Variants in THSD7B observed in about 807,000 individuals in gnomAD.
The protein encoded by THSD7B is thrombospondin type 1 domain containing 7B, also known as thrombospondin type-1 domain-containing protein 7B.
THSD7B carries 138 observed loss-of-function variants against 213.6 expected under a neutral mutation model. That is an observed-to-expected ratio of 0.65 (90% CI 0.56 to 0.74). The LOEUF (loss-of-function observed/expected upper bound fraction) is 0.74. Among genes scored for constraint, THSD7B ranks in the 30% least tolerant of loss-of-function variants. The pLI is 0.00. For synonymous variants in THSD7B, 742 were observed against 687.0 expected, an observed-to-expected ratio of 1.08 and a Z score of -1.25; for missense variants, 1,931 against 1,991.5, an observed-to-expected ratio of 0.97 and a Z score of 0.58.
At chr2:137,099,366 G>A (rs1322127986) in intron 4 of THSD7B, among the ~76,000 whole-genome samples, 1 of 152,094 alleles carries the variant, frequency 6.6e-6, no homozygotes, top group Non-Finnish European at 1.5e-5. Context: ...AACACTGCAG[G>A]ATAAGGCAGT....
intron 7 of THSD7B, among the ~76,000 whole-genome samples, chr2:137,226,184 T>G (rs1378144695): frequency 1.3e-5 from 2 of 151,790 alleles, no homozygotes. Flanking sequence ...GATAACTGTT[T>G]CATTGTTTTC....
In THSD7B at chr2:137,389,606, G is replaced by A. The variant is rs79868387; in HGVS notation, c.2501-16007G>A. Among the ~76,000 whole-genome samples, 618 of 150,386 alleles carry A rather than the reference G, an allele frequency of 4.1e-3. 7 individuals carry two copies. The highest frequency in any genetic ancestry group is 0.027 in the Admixed American group (402 of 15,080). On this transcript the variant is annotated intron_variant, in intron 12 of 27. Coordinates refer to ENST00000409968, the MANE Select transcript of THSD7B (RefSeq NM_001316349.2). The stretch of plus-strand genomic sequence containing the variant: ...CCATTTGTTTATTTTCATTTTTCTT[G>A]TTCATGTTTTTGAGGTCTTACCTAT...
At chr2:136,993,311 T>C (rs1685822309) in intron 2 of THSD7B, among the ~76,000 whole-genome samples, 1 of 152,198 alleles carries the variant, frequency 6.6e-6, no homozygotes, top group South Asian at 2.1e-4. Flanking sequence ...GTGTGCTCCT[T>C]TCCTCCTGGA....
chr2:137,347,771 C>T (rs1175297125), intron 12 of THSD7B, among the ~76,000 whole-genome samples: 1 of 151,130 alleles, frequency 6.6e-6, no homozygotes, highest in Non-Finnish European at 1.5e-5. Context: ...AACTTCTATG[C>T]TTAGGATATA....
intron 15 of THSD7B, among the ~76,000 whole-genome samples, chr2:137,542,586 T>C (rs1680629445): frequency 1.3e-5 from 2 of 151,674 alleles, no homozygotes; most frequent in Admixed American, 6.6e-5. Flanking sequence ...AATAACACAA[T>C]ATACATTCTT....
rs777541558 is a variant in THSD7B at position 137,170,884 on chromosome 2, G to C, written c.1669G>C (p.Gly557Arg). The C allele has an allele frequency of 6.2e-7, 1 of 1,613,478 alleles. No homozygotes were observed. Among genetic ancestry groups the C allele is most frequent in the East Asian group, 2.2e-5 (1 of 44,794 alleles). The stretch of plus-strand genomic sequence containing the variant: ...AGAAGGGATCTGTTTCCCTGATCAT[G>C]GAAAATGTGGCCTGGGACATCGTAT... The part of the protein sequence containing the change: ...ASEGICFPDH[G>R]KCGLGHRILK... Residue 557 changes from glycine to arginine, a missense_variant, in exon 7 of 28, where the codon GGA becomes CGA. Transcript: ENST00000409968.
intron 15 of THSD7B, among the ~76,000 whole-genome samples, chr2:137,501,453 T>C (rs1038294917): frequency 3.9e-5 from 6 of 152,100 alleles, no homozygotes; most frequent in Admixed American, 3.9e-4. Flanking sequence ...TTGGTAAAGG[T>C]ATTTTATTAA....
chr2:136,948,183 A>T (rs1573727767), intron 2 of THSD7B, among the ~76,000 whole-genome samples: 3 of 152,254 alleles, frequency 2.0e-5, no homozygotes, highest in Admixed American at 2.0e-4. Context: ...CATGAAAACC[A>T]TCATTACTGC....
In THSD7B at chr2:137,096,855, C is replaced by CTGAA. The variant is rs144366699; in HGVS notation, c.1199+1735_1199+1738dup. On this transcript the variant is annotated intron_variant, in intron 4 of 27. Transcript: ENST00000409968. ...CTGCCTGTGTGGCAGGCTAGAAAGG[C>CTGAA]TGAAGACCAGGCATGTGAAATGCCA... is the stretch of plus-strand genomic sequence containing the variant. 4.3e-3 allele frequency among the ~76,000 whole-genome samples: 654 copies of CTGAA among 152,298 alleles called. 5 individuals are homozygous for CTGAA. The highest frequency in any genetic ancestry group is 0.014 in the African/African-American group (598 of 41,560).
intron 1 of THSD7B, among the ~76,000 whole-genome samples, chr2:136,802,653 ATATATATATATATATATATATAT>A (rs1185444138): frequency 1.0e-5 from 1 of 96,990 alleles, no homozygotes; most frequent in Admixed American, 1.0e-4. Flanking sequence ...ATATATATAT[ATATATATATATATATATATATAT>A]ATATATGTAG....
At chr2:137,600,341 T>A (rs566830007) in intron 17 of THSD7B, among the ~76,000 whole-genome samples, 1 of 152,348 alleles carries the variant, frequency 6.6e-6, no homozygotes, top group African/African-American at 2.4e-5. Flanking sequence ...GGTGGTGCCA[T>A]ATGATTACAA....
At chr2:136,791,302 A>G (rs1485111569) in intron 1 of THSD7B, among the ~76,000 whole-genome samples, 1 of 151,928 alleles carries the variant, frequency 6.6e-6, no homozygotes, top group Non-Finnish European at 1.5e-5. Context: ...CATCTCCACA[A>G]CCCGGTAATT....
At chr2:137,321,710 AG>A (rs1160480330) in intron 12 of THSD7B, among the ~76,000 whole-genome samples, 1 of 152,338 alleles carries the variant, frequency 6.6e-6, no homozygotes, top group East Asian at 1.9e-4. Flanking sequence ...AAGACTCTCA[AG>A]GGCCTTCAAA....
intron 2 of THSD7B, among the ~76,000 whole-genome samples, chr2:136,927,292 C>T (rs957251985): frequency 2.3e-5 from 2 of 86,134 alleles, no homozygotes; most frequent in Non-Finnish European, 5.0e-5. Flanking sequence ...AAAACATTAC[C>T]TGCTGAGTGA....
chr2:137,182,978 G>A lies in THSD7B; in HGVS notation c.1723+12040G>A, dbSNP rs528642446. On this transcript the variant is annotated intron_variant, in intron 7 of 27. Transcript: ENST00000409968. ...GGCATGTGAATACTGCTGCAGAAAT[G>A]TCAGCTCTTATCATTATTATAATTA... 2.6e-5 allele frequency among the ~76,000 whole-genome samples: 4 copies of A among 152,194 alleles called. No individual in the cohort carries two copies. The East Asian group carries it at 7.7e-4, about 29-fold the overall frequency.
intron 12 of THSD7B, among the ~76,000 whole-genome samples, chr2:137,361,601 G>C (rs1183872020): frequency 3.9e-5 from 6 of 152,190 alleles, no homozygotes; most frequent in African/African-American, 1.4e-4. Context: ...AGCTTCAGTA[G>C]CTGATTTGAT....
At chr2:137,158,102 G>T (rs1679944479) in intron 5 of THSD7B, among the ~76,000 whole-genome samples, 2 of 152,144 alleles carry the variant, frequency 1.3e-5, no homozygotes, top group African/African-American at 4.8e-5. Context: ...GCTCCTTGTA[G>T]CCAGACACTA....
chr2:136,990,725 A>G (rs1473015067), intron 2 of THSD7B, among the ~76,000 whole-genome samples: 1 of 152,210 alleles, frequency 6.6e-6, no homozygotes, highest in East Asian at 1.9e-4. Flanking sequence ...TTGAGGAATC[A>G]GGGAAATATT....
chr2:137,390,732 T>G (rs960312958), intron 12 of THSD7B, among the ~76,000 whole-genome samples: 6 of 152,190 alleles, frequency 3.9e-5, no homozygotes, highest in African/African-American at 1.4e-4. Flanking sequence ...GTTGAGAGTT[T>G]TTATTATGAA....
Sources: gnomAD v4.1 joint callset for allele counts (sites outside exome capture counted in the v4.1 genomes callset) on GRCh38, gnomAD v4.1.1 for gene constraint, MANE v1.5 for transcripts, NCBI Gene and HGNC (gene_info 2026-07-23, HGNC 2026-07-21) for gene names.